The following PNLIP variants were observed in gnomAD, a reference collection of about 807,000 sequenced individuals.
The protein encoded by PNLIP is pancreatic triacylglycerol lipase.
PNLIP carries 49 observed loss-of-function variants against 57.1 expected under a neutral mutation model. The observed-to-expected ratio is 0.86, with a 90% CI of 0.68 to 1.09. The LOEUF (loss-of-function observed/expected upper bound fraction) is 1.09, where lower values mean the gene tolerates loss of function less well. Among genes scored for constraint, PNLIP ranks in the 50% least tolerant of loss-of-function variants. The pLI, the probability that PNLIP is intolerant of heterozygous loss-of-function variation, is 0.00. For missense variants in PNLIP, 503 were observed against 570.2 expected (o/e 0.88, Z 1.20); for synonymous variants, 209 against 200.4 (o/e 1.04, Z -0.36).
chr10:116,556,443 T>A (rs1466159921), intron 9 of PNLIP, among the ~76,000 whole-genome samples: 2 of 152,206 alleles, frequency 1.3e-5, no homozygotes, highest in African/African-American at 4.8e-5. Flanking sequence ...CTGATGAACA[T>A]GGAAAAATTT....
rs1419237856 is a variant in PNLIP, at chr10:116,553,971, G to A, written c.571+133G>A. On this transcript the variant is annotated intron_variant, in intron 6 of 12. Coordinates refer to ENST00000369221, the MANE Select transcript of PNLIP (RefSeq NM_000936.4). ...AAAAAAAAAAAAAGAAAAAAAGGAC[G>A]CTACAAACTTAGACTAAATGCAGCC... is the stretch of plus-strand genomic sequence containing the variant. 3 of 532,192 alleles carry A rather than the reference G, an allele frequency of 5.6e-6. No homozygotes were observed. The East Asian group carries it at 9.8e-5, about 17-fold the overall frequency. 33.0% of individuals were successfully genotyped at this position (532,192 alleles called of 1,614,324 possible). A position where few individuals can be genotyped will look rare whatever the true frequency, so the allele number is the denominator to read the frequency against.
In PNLIP at chr10:116,548,391, G is replaced by C. The variant is rs1274565673; in HGVS notation, c.233G>C (p.Gly78Ala). 1 of 1,613,860 alleles carries C rather than the reference G, an allele frequency of 6.2e-7. No homozygotes were observed. The highest frequency in any genetic ancestry group is 1.7e-5 in the Admixed American group (1 of 59,986). ...GCCGCAGATTCATCAAGCATCAGTG[G>C]CTCCAATTTCAAAACAAATAGAAAA... Reference protein sequence around the residue: ...EVAADSSSISGSNFKTNRKTR... With the variant: ...EVAADSSSISASNFKTNRKTR... The change falls in exon 4 of 13, where the codon GGC becomes GCC. Residue 78 changes from glycine (G) to alanine (A), a missense_variant. Gly to Ala is a moderately conservative substitution (Grantham distance 60, BLOSUM62 0). Transcript: ENST00000369221.
chr10:116,556,151 T>G (rs1564726063), intron 9 of PNLIP, 33 bp downstream of exon 9: 1 of 1,232,484 alleles, frequency 8.1e-7, no homozygotes, highest in Non-Finnish European at 1.2e-6. Flanking sequence ...ATAAAGAATT[T>G]TGTGACTGTC....
In PNLIP at chr10:116,546,091, A is replaced by T. The variant is rs756935801; in HGVS notation, c.1-2A>T. 5 of 1,613,678 alleles carry T rather than the reference A, an allele frequency of 3.1e-6. No individual in the cohort carries two copies. In the South Asian group the frequency reaches 5.5e-5, roughly 18 times the overall value. Reference sequence around the variant, plus strand: ...CTCAATCATGTTTTTAATTTCGTGTAGATGCTGCCACTTTGGACTCTTTCA... The same window carrying T: ...CTCAATCATGTTTTTAATTTCGTGTTGATGCTGCCACTTTGGACTCTTTCA... On this transcript the variant is annotated splice_acceptor_variant, in intron 1 of 12. Transcript: ENST00000369221. LOFTEE classifies it low-confidence loss of function (5UTR_SPLICE).
At chr10:116,567,619 C>A in intron 12 of PNLIP, 116 bp from the exon 13 acceptor site, 1 of 787,716 alleles carries the variant, frequency 1.3e-6, no homozygotes, top group Non-Finnish European at 2.2e-6. Context: ...TGGTCTCCAG[C>A]ACAGGGTGCG....
At chr10:116,552,298 A>G (rs1371371922) in intron 5 of PNLIP, among the ~76,000 whole-genome samples, 2 of 152,244 alleles carry the variant, frequency 1.3e-5, no homozygotes, top group Non-Finnish European at 2.9e-5. Context: ...GTATTCCAGA[A>G]GAAGACATGT....
chr10:116,555,389 G>T lies in PNLIP; in HGVS notation c.693G>T (p.Gly231=), dbSNP rs745641207. The part of the protein sequence containing the change: ...TDGAPIVPNL[G]FGMSQVVGHL... ...CCTCATGTATTTTTATGATTTCAGGGTTTGGAATGAGCCAAGTCGTGGGCC... is the reference window on the plus strand; with the variant it reads ...CCTCATGTATTTTTATGATTTCAGGTTTTGGAATGAGCCAAGTCGTGGGCC... The change falls in exon 8 of 13, where the codon GGG becomes GGT. Residue 231 remains glycine (G), a splice_region_variant and synonymous_variant. Transcript: ENST00000369221. The T allele has an allele frequency of 6.2e-7, 1 of 1,614,130 alleles. No homozygotes were observed. Among genetic ancestry groups the T allele is most frequent in the East Asian group, 2.2e-5 (1 of 44,878 alleles).
chr10:116,553,944 TAAA>T (rs1321029698), intron 6 of PNLIP, 106 bp downstream of exon 6: 51 of 402,638 alleles, frequency 1.3e-4, no homozygotes, highest in Non-Finnish European at 1.6e-4. Context: ...CCTATCTCCT[TAAA>T]AAAAAAAAAA....
intron 12 of PNLIP, among the ~76,000 whole-genome samples, chr10:116,566,053 C>G (rs1308671183): frequency 6.6e-6 from 1 of 152,236 alleles, no homozygotes; most frequent in Non-Finnish European, 1.5e-5. Flanking sequence ...AGGTGATCCA[C>G]CTGCCTTGGC....
At chr10:116,562,738 C>T (rs1847326974) in intron 12 of PNLIP, among the ~76,000 whole-genome samples, 1 of 152,146 alleles carries the variant, frequency 6.6e-6, no homozygotes, top group Non-Finnish European at 1.5e-5. Context: ...AAAATAGTTC[C>T]CCTACTTTTG....
chr10:116,566,006 G>C (rs1056706891), intron 12 of PNLIP, among the ~76,000 whole-genome samples: 2 of 152,062 alleles, frequency 1.3e-5, no homozygotes, highest in African/African-American at 4.8e-5. Context: ...ACTGGTTTTC[G>C]TCATGTTGGC....
At chr10:116,551,322 C>A (rs1847189781) in intron 5 of PNLIP, 90 bp downstream of exon 5, 10 of 963,538 alleles carry the variant, frequency 1.0e-5, no homozygotes, top group Non-Finnish European at 1.4e-5. Context: ...TAGATTTAAT[C>A]ATAGATAAAG....
intron 9 of PNLIP, 108 bp downstream of exon 9, chr10:116,556,226 C>CA (rs1334463117): frequency 2.9e-6 from 2 of 678,892 alleles, no homozygotes; most frequent in Non-Finnish European, 5.3e-6. Flanking sequence ...TACTTTTGAA[C>CA]TTATACATGC....
intron 5 of PNLIP, among the ~76,000 whole-genome samples, chr10:116,551,543 C>G (rs992446236): frequency 1.3e-5 from 2 of 152,096 alleles, no homozygotes; most frequent in African/African-American, 4.8e-5. Context: ...TAAGATTAAT[C>G]TAGTTTTATT....
intron 4 of PNLIP, among the ~76,000 whole-genome samples, chr10:116,550,674 TG>T (rs1564724328): frequency 6.6e-6 from 1 of 152,252 alleles, no homozygotes; most frequent in Non-Finnish European, 1.5e-5. Flanking sequence ...GCATCTACTG[TG>T]TACCAGAATC....
At chr10:116,546,729 C>T (rs1165168074) in intron 2 of PNLIP, among the ~76,000 whole-genome samples, 2 of 152,182 alleles carry the variant, frequency 1.3e-5, no homozygotes, top group Non-Finnish European at 2.9e-5. Context: ...ATTTATCCTC[C>T]TTAGAGAAGA....
intron 11 of PNLIP, 33 bp from the exon 12 acceptor site, chr10:116,561,439 A>G (rs1847314243): frequency 3.9e-6 from 6 of 1,531,270 alleles, no homozygotes; most frequent in Non-Finnish European, 5.4e-6. Context: ...ATGTATGCTC[A>G]TGTATGTTTT....
At chr10:116,566,702 T>G (rs1295464321) in intron 12 of PNLIP, among the ~76,000 whole-genome samples, 1 of 152,210 alleles carries the variant, frequency 6.6e-6, no homozygotes, top group Non-Finnish European at 1.5e-5. Context: ...CTCTACAAAA[T>G]TCTTAACTAC....
At position 116,555,478 on chromosome 10, in the gene PNLIP, A is replaced by G. The variant is rs780478820; in HGVS notation, c.782A>G (p.Gln261Arg). The change falls in exon 8 of 13, where the codon CAG becomes CGG. Residue 261 changes from glutamine (Q) to arginine (R), a missense_variant. By Grantham distance (43) the Gln-to-Arg change is conservative. Transcript: ENST00000369221. ...GGATGTAAAAAGAACATTCTCTCTC[A>G]GATTGTGGACATAGACGGAATCTGG... is the stretch of plus-strand genomic sequence containing the variant. Reference protein sequence around the residue: ...MPGCKKNILSQIVDIDGIWEG... With the variant: ...MPGCKKNILSRIVDIDGIWEG... 1.2e-6 allele frequency: 2 copies of G among 1,614,150 alleles called. No individual in the cohort carries two copies. The highest frequency in any genetic ancestry group is 2.2e-5 in the South Asian group (2 of 91,082).
Sources: allele counts gnomAD v4.1 joint callset (sites outside exome capture counted in the v4.1 genomes callset), GRCh38; gene constraint gnomAD v4.1.1; transcripts MANE v1.5; gene names NCBI Gene and HGNC (gene_info 2026-07-23, HGNC 2026-07-21).